The following FOLH1 variants were observed in gnomAD, a reference collection of about 807,000 sequenced individuals.
The protein encoded by FOLH1 is folate hydrolase 1.
A neutral mutation model predicts 93.9 loss-of-function variants in FOLH1; 54 were observed. The ratio of observed to expected loss-of-function variants is 0.57; its 90% CI spans 0.46 to 0.72. FOLH1 has a LOEUF of 0.72. FOLH1 is among the 30% of genes least tolerant of loss of function. FOLH1 has a pLI of 0.00. For synonymous variants in FOLH1, 249 were observed against 303.6 expected (o/e 0.82, Z 1.87); for missense variants, 571 against 892.5 (o/e 0.64, Z 4.59).
chr11:49,166,262 G>A (rs1428820095), intron 12 of FOLH1, among the ~76,000 whole-genome samples: 2 of 152,194 alleles, frequency 1.3e-5, no homozygotes, highest in Admixed American at 6.5e-5. Context: ...TGTATAAGGT[G>A]GTGAGAGACA....
At chr11:49,152,025 A>C (rs902062268) in intron 17 of FOLH1, among the ~76,000 whole-genome samples, 2 of 152,126 alleles carry the variant, frequency 1.3e-5, no homozygotes, top group Admixed American at 1.3e-4. Context: ...TTGTTAAATA[A>C]AAATTAATCA....
intron 1 of FOLH1, chr11:49,207,782 CT>C: frequency 2.4e-6 from 1 of 422,868 alleles, no homozygotes; most frequent in South Asian, 1.7e-5. Context: ...TTCTGCTTTT[CT>C]TAGAAAGTTG....
intron 3 of FOLH1, among the ~76,000 whole-genome samples, chr11:49,193,624 C>T (rs1862300138): frequency 1.3e-5 from 2 of 151,886 alleles, no homozygotes; most frequent in Non-Finnish European, 1.5e-5. Context: ...GAATGAAAAA[C>T]ACTGAACCAA....
Position 49,176,617 on chromosome 11 carries a change from G to A in FOLH1, c.921-660C>T, listed in dbSNP as rs183728260. Reference sequence around the variant, plus strand: ...CTGCCTTTACTGTATTAAGATGATGGATTAACTTATTCTTGATATGGGCAT... The same window carrying A: ...CTGCCTTTACTGTATTAAGATGATGAATTAACTTATTCTTGATATGGGCAT... On this transcript the variant is annotated intron_variant, in intron 7 of 18. Coordinates refer to ENST00000256999, the MANE Select transcript of FOLH1 (RefSeq NM_004476.3). 1.1e-4 allele frequency among the ~76,000 whole-genome samples: 16 copies of A among 152,082 alleles called. 3 individuals are homozygous for A. The highest frequency in any genetic ancestry group is 3.9e-4 in the African/African-American group (16 of 41,468).
chr11:49,190,458 GC>G (rs1861908969), intron 4 of FOLH1, among the ~76,000 whole-genome samples: 1 of 152,112 alleles, frequency 6.6e-6, no homozygotes, highest in African/African-American at 2.4e-5. Flanking sequence ...TGCACTCTTA[GC>G]CCGGAATTTT....
intron 13 of FOLH1, among the ~76,000 whole-genome samples, chr11:49,160,651 C>G (rs1857591900): frequency 6.6e-6 from 1 of 152,096 alleles, no homozygotes; most frequent in Admixed American, 6.5e-5. Flanking sequence ...ACTGTGTTTG[C>G]CAGGATGGTC....
chr11:49,207,455 C>A (rs1864104517), intron 1 of FOLH1, among the ~76,000 whole-genome samples: 3 of 152,200 alleles, frequency 2.0e-5, no homozygotes, highest in African/African-American at 7.2e-5. Context: ...CCCTGTTCTT[C>A]TAAATCCCGA....
chr11:49,156,856 A>T, intron 14 of FOLH1, 49 bp from the exon 15 acceptor site: 1 of 1,605,516 alleles, frequency 6.2e-7, no homozygotes, highest in Non-Finnish European at 8.5e-7. Context: ...TTGTTCATTA[A>T]GCACAGATTA....
At chr11:49,205,374 A>G (rs1362620273) in intron 2 of FOLH1, among the ~76,000 whole-genome samples, 1 of 152,194 alleles carries the variant, frequency 6.6e-6, no homozygotes, top group Non-Finnish European at 1.5e-5. Flanking sequence ...GCTAGTTTTT[A>G]AAATATGCCA....
At chr11:49,173,233 A>C (rs1318996771) in intron 10 of FOLH1, 124 bp downstream of exon 10, 39 of 1,044,940 alleles carry the variant, frequency 3.7e-5, no homozygotes, top group Non-Finnish European at 4.9e-5. Context: ...CAACACTGAA[A>C]ATTGTATTAG....
At chr11:49,155,391 A>G (rs573358062) in intron 15 of FOLH1, among the ~76,000 whole-genome samples, 1 of 152,068 alleles carries the variant, frequency 6.6e-6, no homozygotes, top group Non-Finnish European at 1.5e-5. Context: ...CCATCTGGGA[A>G]GAATAGCCCA....
At chr11:49,173,266 T>A in intron 10 of FOLH1, 91 bp downstream of exon 10, 1 of 1,285,286 alleles carries the variant, frequency 7.8e-7, no homozygotes, top group Non-Finnish European at 1.0e-6. Context: ...ACACATGTAA[T>A]GGTTGAGGTA....
intron 17 of FOLH1, among the ~76,000 whole-genome samples, chr11:49,151,395 T>C (rs922326200): frequency 2.0e-5 from 3 of 151,490 alleles, no homozygotes; most frequent in Non-Finnish European, 4.4e-5. Context: ...CACACGTAAA[T>C]GCGCGCGTGC....
intron 1 of FOLH1, chr11:49,206,975 C>T: frequency 5.2e-6 from 3 of 576,358 alleles, no homozygotes; most frequent in South Asian, 2.2e-5. Context: ...TTTCATGGAG[C>T]TTTCCAATTA....
At chr11:49,169,076 G>A (rs1858856658) in intron 12 of FOLH1, 119 bp downstream of exon 12, 1 of 1,088,294 alleles carries the variant, frequency 9.2e-7, no homozygotes, top group African/African-American at 1.6e-5. Flanking sequence ...GTCAGAGGTT[G>A]CAGTAGATTC....
chr11:49,180,869 A>G (rs1187223309), intron 7 of FOLH1, among the ~76,000 whole-genome samples: 1 of 152,304 alleles, frequency 6.6e-6, no homozygotes, highest in East Asian at 1.9e-4. Context: ...AAGTTATGTT[A>G]TTAACGGTGA....
At chr11:49,154,926 A>C (rs1856852175) in intron 15 of FOLH1, among the ~76,000 whole-genome samples, 1 of 152,038 alleles carries the variant, frequency 6.6e-6, no homozygotes, top group Non-Finnish European at 1.5e-5. Context: ...AATTCCATGG[A>C]TAAATGATTG....
rs1289560881 is a variant in FOLH1, at chr11:49,145,476, C to T, written c.*1280G>A. 1.3e-5 allele frequency among the ~76,000 whole-genome samples: 2 copies of T among 152,156 alleles called. No individual in the cohort carries two copies. Among genetic ancestry groups the T allele is most frequent in the Non-Finnish European group, 2.9e-5 (2 of 68,028 alleles). On this transcript the variant is annotated 3_prime_UTR_variant, in exon 19 of 19. Transcript: ENST00000256999. ...GCCAAGAGCTTCTCCTGAAATTGTC[C>T]TTTGCCAAATTTGTAGTAGAGCCCC...
intron 3 of FOLH1, among the ~76,000 whole-genome samples, chr11:49,195,083 A>C (rs1480798106): frequency 6.6e-6 from 1 of 152,118 alleles, no homozygotes; most frequent in Non-Finnish European, 1.5e-5. Context: ...CAAATACAAA[A>C]TATTAAACCA....
Sources: allele counts gnomAD v4.1 joint callset (sites outside exome capture counted in the v4.1 genomes callset), GRCh38; gene constraint gnomAD v4.1.1; transcripts MANE v1.5; gene names NCBI Gene and HGNC (gene_info 2026-07-23, HGNC 2026-07-21).